The following TAOK3 variants were observed in gnomAD, a reference collection of about 807,000 sequenced individuals.
TAOK3 encodes the protein TAO kinase 3, also known as serine/threonine-protein kinase TAO3.
TAOK3 carries 40 observed loss-of-function variants against 120.4 expected under a neutral mutation model. The observed-to-expected ratio is 0.33, with a 90% CI of 0.26 to 0.43. The LOEUF is 0.43. TAOK3 is among the 20% of genes least tolerant of loss of function. TAOK3 has a pLI of 1.00. For missense variants in TAOK3, 821 were observed against 1,112.1 expected (o/e 0.74, Z 3.72); for synonymous variants, 355 against 387.5 (o/e 0.92, Z 0.99).
At chr12:118,361,773 T>C (rs1269841026) in intron 1 of TAOK3, among the ~76,000 whole-genome samples, 2 of 151,354 alleles carry the variant, frequency 1.3e-5, no homozygotes, top group African/African-American at 2.5e-5. Flanking sequence ...TTTTATTTCC[T>C]TATTATTTTT....
intron 1 of TAOK3, among the ~76,000 whole-genome samples, chr12:118,342,557 A>G (rs1291727058): frequency 6.6e-6 from 1 of 152,198 alleles, no homozygotes; most frequent in African/African-American, 2.4e-5. Context: ...ATAATATAAA[A>G]TTGTGTACTA....
At chr12:118,225,812 T>C (rs951608147) in intron 9 of TAOK3, among the ~76,000 whole-genome samples, 2 of 152,270 alleles carry the variant, frequency 1.3e-5, no homozygotes, top group Admixed American at 6.5e-5. Context: ...TTCATATACA[T>C]TGATTAATCA....
At chr12:118,270,767 C>T (rs373404436) in intron 1 of TAOK3, among the ~76,000 whole-genome samples, 6 of 151,720 alleles carry the variant, frequency 4.0e-5, no homozygotes, top group Admixed American at 2.6e-4. Context: ...CTCCGCCTCC[C>T]GGGTTCACGC....
chr12:118,295,016 T>C lies in TAOK3; in HGVS notation c.-193-28257A>G, dbSNP rs116468229. ...TAGATATAAATATGGAGTTCAGAAG[T>C]GAGGTGTAGACTGGAAATAGGAATT... On this transcript the variant is annotated intron_variant, in intron 1 of 20. Transcript: ENST00000392533. Among the ~76,000 whole-genome samples the C allele has an allele frequency of 9.1e-3, 1,388 of 151,978 alleles. 25 individuals carry two copies. Among genetic ancestry groups the C allele is most frequent in the African/African-American group, 0.031 (1,300 of 41,472 alleles).
chr12:118,177,789 C>T (rs140177187), intron 15 of TAOK3, among the ~76,000 whole-genome samples: 3,819 of 151,756 alleles, frequency 0.025, 159 homozygotes, highest in African/African-American at 0.086. Flanking sequence ...CACCACTGCA[C>T]TCCAGCCTGG....
At chr12:118,155,933 TG>T (rs1418196687) in intron 19 of TAOK3, among the ~76,000 whole-genome samples, 1 of 152,074 alleles carries the variant, frequency 6.6e-6, no homozygotes, top group Admixed American at 6.6e-5. Flanking sequence ...GACAGGGTCT[TG>T]CTATGTTGCC....
At position 118,160,445 on chromosome 12, in the gene TAOK3, G is replaced by A. The variant is rs1293386431; in HGVS notation, c.2140-87C>T. On this transcript the variant is annotated intron_variant, in intron 18 of 20. Coordinates refer to ENST00000392533, the MANE Select transcript of TAOK3 (RefSeq NM_016281.4). The surrounding 1 kb of genome is among the most constrained non-coding windows in gnomAD (Gnocchi z 4.2). ...ACCATAATGATATAATACAAGTGCT[G>A]AGAGCGTCTGTTTTTTGGTGCAGTG... is the stretch of plus-strand genomic sequence containing the variant. 13 of 1,125,576 alleles carry A rather than the reference G, an allele frequency of 1.2e-5. No individual in the cohort carries two copies. The Admixed American group carries it at 2.3e-4, about 20-fold the overall frequency. The allele number at this position is 1,125,576 out of a possible 1,614,324, so 69.7% of individuals were successfully genotyped here.
chr12:118,244,589 C>G (rs1366203231), intron 4 of TAOK3, among the ~76,000 whole-genome samples: 1 of 140,174 alleles, frequency 7.1e-6, no homozygotes, highest in South Asian at 2.2e-4. Context: ...AGTGCAGCGG[C>G]GTGATCTCGG....
chr12:118,252,011 T>C (rs464781), intron 3 of TAOK3, among the ~76,000 whole-genome samples: 101,896 of 151,650 alleles, frequency 0.67, 34,382 homozygotes, highest in South Asian at 0.72. Context: ...TTAGTAGAGA[T>C]GGGGTTTCAC....
intron 9 of TAOK3, 150 bp downstream of exon 9, chr12:118,233,524 G>A (rs201002121): frequency 4.1e-5 from 21 of 513,536 alleles, no homozygotes; most frequent in East Asian, 4.0e-4. Context: ...TAATAAATTC[G>A]CATTGCCTAG....
At chr12:118,171,430 C>G (rs2035987991) in intron 17 of TAOK3, among the ~76,000 whole-genome samples, 1 of 152,236 alleles carries the variant, frequency 6.6e-6, no homozygotes, top group Non-Finnish European at 1.5e-5. Context: ...GATCCTGGCT[C>G]ACTGTAACCT....
chr12:118,352,229 G>A (rs2045202466), intron 1 of TAOK3, among the ~76,000 whole-genome samples: 1 of 151,874 alleles, frequency 6.6e-6, no homozygotes, highest in African/African-American at 2.4e-5. Flanking sequence ...TCTCTCCAAC[G>A]GCAGCTGGCT....
chr12:118,157,514 C>T (rs1053814648), intron 19 of TAOK3, among the ~76,000 whole-genome samples: 2 of 152,200 alleles, frequency 1.3e-5, no homozygotes, highest in African/African-American at 4.8e-5. Context: ...ACTGCCTTCC[C>T]AATGTTCACA....
intron 2 of TAOK3, among the ~76,000 whole-genome samples, chr12:118,262,826 CAA>C (rs61453663): frequency 4.1e-5 from 3 of 73,794 alleles, no homozygotes. Context: ...GACTCCGTCT[CAA>C]AAAAAAAAAA....
intron 6 of TAOK3, 43 bp downstream of exon 6, chr12:118,239,184 T>C: frequency 7.8e-7 from 1 of 1,279,150 alleles, no homozygotes; most frequent in African/African-American, 1.5e-5. Context: ...AACATTCTGA[T>C]CAAAGTAAAA....
intron 1 of TAOK3, among the ~76,000 whole-genome samples, chr12:118,336,696 T>C (rs1048470972): frequency 6.6e-6 from 1 of 151,988 alleles, no homozygotes; most frequent in Non-Finnish European, 1.5e-5. Context: ...AAACCACATA[T>C]CTGACAAAGG....
intron 5 of TAOK3, among the ~76,000 whole-genome samples, chr12:118,240,109 C>A (rs58340234): frequency 1.3e-5 from 2 of 151,486 alleles, no homozygotes; most frequent in Non-Finnish European, 2.9e-5. Flanking sequence ...TGGAGGCTAT[C>A]GATAGTTATT....
intron 1 of TAOK3, among the ~76,000 whole-genome samples, chr12:118,357,326 T>C (rs1348705377): frequency 6.6e-6 from 1 of 152,242 alleles, no homozygotes; most frequent in Non-Finnish European, 1.5e-5. Context: ...CTTACGTTTT[T>C]AACTCAGAAC....
chr12:118,174,860 C>T (rs1342338359), intron 16 of TAOK3, among the ~76,000 whole-genome samples: 1 of 152,078 alleles, frequency 6.6e-6, no homozygotes, highest in Non-Finnish European at 1.5e-5. Context: ...TGTCGTTTTA[C>T]CATGTTGGCC....
Sources: allele counts gnomAD v4.1 joint callset (sites outside exome capture counted in the v4.1 genomes callset), GRCh38; gene constraint gnomAD v4.1.1; non-coding constraint Gnocchi (gnomAD v3.1); transcripts MANE v1.5; gene names NCBI Gene and HGNC (gene_info 2026-07-23, HGNC 2026-07-21).